DLG2: variants seen among roughly 807,000 people sequenced by gnomAD.
DLG2 encodes disks large homolog 2.
A neutral mutation model predicts 132.5 loss-of-function variants in DLG2; 45 were observed. That is an observed-to-expected ratio of 0.34 (90% CI 0.27 to 0.44). The LOEUF (loss-of-function observed/expected upper bound fraction) is 0.44. DLG2 is among the 20% of genes least tolerant of loss of function. The pLI is 1.00. For synonymous variants in DLG2, 424 were observed against 419.6 expected (o/e 1.01, Z -0.13); for missense variants, 1,045 against 1,196.9 (o/e 0.87, Z 1.87).
intron 3 of DLG2, among the ~76,000 whole-genome samples, chr11:85,362,491 A>G (rs1847208797): frequency 6.6e-6 from 1 of 152,080 alleles, no homozygotes; most frequent in African/African-American, 2.4e-5. Flanking sequence ...GTATTCATTT[A>G]TCGAATCTCA....
At chr11:84,614,589 C>T (rs1940083) in intron 6 of DLG2, among the ~76,000 whole-genome samples, 8,845 of 152,210 alleles carry the variant, frequency 0.058, 289 homozygotes, top group South Asian at 0.074. Flanking sequence ...GAACTGTAGT[C>T]AGGGAGACCA....
chr11:85,476,848 CT>C (rs1195294174), intron 3 of DLG2, among the ~76,000 whole-genome samples: 5 of 151,256 alleles, frequency 3.3e-5, no homozygotes, highest in Non-Finnish European at 5.9e-5. Context: ...GTTCAGTTAA[CT>C]TTTTTTTTAA....
chr11:85,440,475 C>CT (rs1220155946), intron 3 of DLG2, among the ~76,000 whole-genome samples: 2 of 152,164 alleles, frequency 1.3e-5, no homozygotes, highest in Non-Finnish European at 2.9e-5. Flanking sequence ...TCACCTGTCA[C>CT]TTTTCCCAAG....
At position 84,407,113 on chromosome 11, in the gene DLG2, GC is replaced by G. The variant is rs1379818509; in HGVS notation, c.519+127456del. 6.6e-5 allele frequency among the ~76,000 whole-genome samples: 10 copies of G among 152,180 alleles called. No homozygotes were observed. In the East Asian group the frequency reaches 1.9e-3, roughly 30 times the overall value. On this transcript the variant is annotated intron_variant, in intron 7 of 27. Coordinates refer to ENST00000376104, the MANE Select transcript of DLG2 (RefSeq NM_001142699.3). ...TTCCGCACCTCAGTCCCCACCTGGTGCCCCAGTTCTGATAACTCACCTTCTG... is the reference window on the plus strand; with the variant it reads ...TTCCGCACCTCAGTCCCCACCTGGTGCCCAGTTCTGATAACTCACCTTCTG...
intron 10 of DLG2, among the ~76,000 whole-genome samples, chr11:84,092,044 A>G (rs987273076): frequency 6.6e-6 from 1 of 152,242 alleles, no homozygotes; most frequent in African/African-American, 2.4e-5. Flanking sequence ...TACATGGGTC[A>G]GTCTGAATCA....
At chr11:84,260,706 G>C (rs545236539) in intron 7 of DLG2, among the ~76,000 whole-genome samples, 8 of 152,278 alleles carry the variant, frequency 5.3e-5, no homozygotes, top group African/African-American at 1.9e-4. Flanking sequence ...AGTAAACAGA[G>C]GCACAGAATG....
At chr11:83,529,155 C>T (rs1020283230) in intron 21 of DLG2, among the ~76,000 whole-genome samples, 1 of 152,076 alleles carries the variant, frequency 6.6e-6, no homozygotes, top group African/African-American at 2.4e-5. Context: ...ATTTAAAACA[C>T]CCTATTATCC....
At chr11:84,252,592 G>A (rs76836415) in intron 7 of DLG2, among the ~76,000 whole-genome samples, 7,305 of 151,862 alleles carry the variant, frequency 0.048, 271 homozygotes, top group Non-Finnish European at 0.076. Context: ...AAAGTTTAGC[G>A]GGAATCTGTG....
chr11:85,525,420 T>C (rs2074668852), intron 3 of DLG2, among the ~76,000 whole-genome samples: 1 of 152,282 alleles, frequency 6.6e-6, no homozygotes, highest in Admixed American at 6.5e-5. Context: ...TTACCATATA[T>C]CCTAGCTAGT....
At chr11:84,718,733 G>C (rs1393912479) in intron 6 of DLG2, among the ~76,000 whole-genome samples, 1 of 152,192 alleles carries the variant, frequency 6.6e-6, no homozygotes, top group Non-Finnish European at 1.5e-5. Flanking sequence ...AGTTAGGAGA[G>C]TGAATAAAAG....
intron 5 of DLG2, among the ~76,000 whole-genome samples, chr11:85,114,024 G>T (rs1036641085): frequency 6.6e-5 from 10 of 151,918 alleles, no homozygotes; most frequent in African/African-American, 2.2e-4. Context: ...CTTAAGTGTG[G>T]TTACTGAAAA....
At chr11:84,481,085 T>C (rs1157946244) in intron 7 of DLG2, among the ~76,000 whole-genome samples, 1 of 152,030 alleles carries the variant, frequency 6.6e-6, no homozygotes, top group Non-Finnish European at 1.5e-5. Context: ...CCCTCTAGAA[T>C]TGAGACTCAA....
At chr11:84,379,611 G>T (rs2098742299) in intron 7 of DLG2, among the ~76,000 whole-genome samples, 1 of 152,026 alleles carries the variant, frequency 6.6e-6, no homozygotes, top group Non-Finnish European at 1.5e-5. Context: ...AATTAGAAAA[G>T]AAATGGTATT....
intron 7 of DLG2, among the ~76,000 whole-genome samples, chr11:84,427,123 T>G (rs142868989): frequency 8.0e-4 from 122 of 152,158 alleles, no homozygotes; most frequent in African/African-American, 2.8e-3. Flanking sequence ...CCCAGGGGGA[T>G]AGTAGAGTAA....
intron 6 of DLG2, among the ~76,000 whole-genome samples, chr11:84,742,449 A>C (rs965589704): frequency 6.6e-6 from 1 of 152,190 alleles, no homozygotes; most frequent in Non-Finnish European, 1.5e-5. Context: ...ATTAACAATG[A>C]ATTACTCAGC....
At chr11:83,617,578 T>C (rs956951260) in intron 19 of DLG2, among the ~76,000 whole-genome samples, 7 of 152,214 alleles carry the variant, frequency 4.6e-5, no homozygotes, top group African/African-American at 1.7e-4. Context: ...AAAATAAGGA[T>C]CATTTTATTG....
intron 18 of DLG2, among the ~76,000 whole-genome samples, chr11:83,761,471 T>C (rs924335500): frequency 1.3e-5 from 2 of 152,264 alleles, no homozygotes; most frequent in Admixed American, 6.5e-5. Context: ...CTTACAATTA[T>C]ATTGAATAAT....
intron 6 of DLG2, among the ~76,000 whole-genome samples, chr11:84,778,033 C>T (rs950717512): frequency 4.6e-5 from 7 of 152,040 alleles, no homozygotes; most frequent in African/African-American, 1.2e-4. Flanking sequence ...TTGCCTAGAC[C>T]GATATCCAGA....
intron 6 of DLG2, among the ~76,000 whole-genome samples, chr11:84,604,627 T>C (rs1481040444): frequency 6.6e-6 from 1 of 151,854 alleles, no homozygotes; most frequent in Non-Finnish European, 1.5e-5. Flanking sequence ...ATTTAAAAAA[T>C]AAACCAGAAA....
Sources: allele counts gnomAD v4.1 joint callset (sites outside exome capture counted in the v4.1 genomes callset), GRCh38; gene constraint gnomAD v4.1.1; transcripts MANE v1.5; gene names NCBI Gene and HGNC (gene_info 2026-07-23, HGNC 2026-07-21).